The following TIMD4 variants were observed in gnomAD, a reference collection of about 807,000 sequenced individuals.
TIMD4 encodes the protein T cell immunoglobulin and mucin domain containing 4.
TIMD4 carries 31 observed loss-of-function variants against 41.2 expected under a neutral mutation model. The observed-to-expected ratio is 0.75, with a 90% CI of 0.57 to 1.01. The LOEUF is 1.01. Ranked by LOEUF, TIMD4 falls within the 50% of genes least tolerant of loss-of-function variation. The probability of loss-of-function intolerance (pLI) is 0.00; values close to 1 mark genes in which losing one functional copy is unlikely to be tolerated. For missense variants in TIMD4, 479 were observed against 472.5 expected, an observed-to-expected ratio of 1.01 and a Z score of -0.13; for synonymous variants, 204 against 177.1, an observed-to-expected ratio of 1.15 and a Z score of -1.21.
At chr5:156,936,225 C>A (rs368178081) in intron 5 of TIMD4, among the ~76,000 whole-genome samples, 1 of 152,138 alleles carries the variant, frequency 6.6e-6, no homozygotes, top group Non-Finnish European at 1.5e-5. Context: ...AGCTGCAGAA[C>A]GAGACCCCAT....
At chr5:156,940,582 G>A (rs1759627195) in intron 5 of TIMD4, among the ~76,000 whole-genome samples, 1 of 151,966 alleles carries the variant, frequency 6.6e-6, no homozygotes. Context: ...CGTCTGGGAT[G>A]TGAGGAGCGC....
intron 7 of TIMD4, 114 bp from the exon 8 acceptor site, chr5:156,920,617 AACCAGTGG>A (rs1180222910): frequency 1.8e-6 from 2 of 1,082,162 alleles, no homozygotes; most frequent in African/African-American, 3.1e-5. Context: ...CAAAGGTGAG[AACCAGTGG>A]CTGGCTTTGG....
intron 6 of TIMD4, chr5:156,924,079 C>T (rs541093469): frequency 9.6e-6 from 2 of 207,398 alleles, no homozygotes; most frequent in Non-Finnish European, 1.9e-5. Context: ...GAGTTTCAAA[C>T]GTTTAAAAAG....
Position 156,930,913 on chromosome 5 carries a change from A to G in TIMD4, c.845-4601T>C, listed in dbSNP as rs904444288. 9.8e-5 allele frequency among the ~76,000 whole-genome samples: 15 copies of G among 152,308 alleles called. 1 individual carries two copies. The South Asian group carries it at 3.1e-3, about 32-fold the overall frequency. On this transcript the variant is annotated intron_variant, in intron 5 of 8. Coordinates refer to ENST00000274532, the MANE Select transcript of TIMD4 (RefSeq NM_138379.3). The stretch of plus-strand genomic sequence containing the variant: ...TATGTTCTCTTCCATGGCAAAAGAT[A>G]TTTTGCAATGTCATTAAGCTAAGGA...
intron 6 of TIMD4, among the ~76,000 whole-genome samples, chr5:156,922,485 C>G (rs1262043411): frequency 1.3e-5 from 2 of 152,220 alleles, no homozygotes; most frequent in Non-Finnish European, 2.9e-5. Context: ...GGTCAAATCT[C>G]TTTCCTAGCC....
intron 5 of TIMD4, among the ~76,000 whole-genome samples, chr5:156,927,095 A>G (rs985348483): frequency 6.6e-6 from 1 of 152,234 alleles, no homozygotes; most frequent in Admixed American, 6.5e-5. Context: ...GTAGTGATGG[A>G]GCACACAGGC....
At position 156,930,867 on chromosome 5, in the gene TIMD4, C is replaced by CTAAT. The variant is rs541302520; in HGVS notation, c.845-4559_845-4556dup. ...AATGACACCCAAATATGTCCATGTCCTAATCTTCAGAAACTGTGAATATGT... is the reference window on the plus strand; with the variant it reads ...AATGACACCCAAATATGTCCATGTCCTAATTAATCTTCAGAAACTGTGAATATGT... On this transcript the variant is annotated intron_variant, in intron 5 of 8. Transcript: ENST00000274532. Among the ~76,000 whole-genome samples the CTAAT allele has an allele frequency of 1.7e-3, 254 of 152,296 alleles. 1 individual carries two copies. Among genetic ancestry groups the CTAAT allele is most frequent in the Middle Eastern group, 6.8e-3 (2 of 294 alleles).
intron 7 of TIMD4, among the ~76,000 whole-genome samples, chr5:156,921,039 C>T (rs1173251034): frequency 1.3e-5 from 2 of 148,478 alleles, no homozygotes; most frequent in South Asian, 2.1e-4. Context: ...CATTTTACAA[C>T]AGTACCAGGT....
In TIMD4 at chr5:156,951,751, C is replaced by T. The variant is rs753614328; in HGVS notation, c.440G>A (p.Arg147His). The T allele has an allele frequency of 1.7e-5, 28 of 1,613,826 alleles. No homozygotes were observed. The highest frequency in any genetic ancestry group is 1.6e-4 in the East Asian group (7 of 44,876). Residue 147 changes from arginine (R) to histidine (H), a missense_variant, in exon 3 of 9, where the codon CGC (arginine) becomes CAC (histidine). Arg to His is a conservative substitution (Grantham distance 29). Coordinates refer to ENST00000274532, the MANE Select transcript of TIMD4 (RefSeq NM_138379.3). ...TTHRTATTTT[R>H]RTTTTSPTTT... ...GGTGGGGCTTGTTGTTGTTGTTCTG[C>T]GTGTGGTGGTGGTTGCTGTTCTGTG...
chr5:156,959,491 T>C (rs1447738695), intron 1 of TIMD4, among the ~76,000 whole-genome samples: 1 of 152,168 alleles, frequency 6.6e-6, no homozygotes, highest in Non-Finnish European at 1.5e-5. Flanking sequence ...TGTAAAAGTA[T>C]CCCTGAGTAA....
chr5:156,925,558 G>A (rs1259421066), intron 6 of TIMD4, among the ~76,000 whole-genome samples: 1 of 152,174 alleles, frequency 6.6e-6, no homozygotes, highest in Non-Finnish European at 1.5e-5. Flanking sequence ...ACTGCCTGAA[G>A]CTTTCACTTA....
intron 8 of TIMD4, 108 bp from the exon 9 acceptor site, chr5:156,919,649 C>T: frequency 1.2e-6 from 1 of 825,488 alleles, no homozygotes; most frequent in Non-Finnish European, 1.9e-6. Context: ...TCAAAGGGCT[C>T]ACAGTTCATT....
chr5:156,957,093 G>A (rs529163291), intron 1 of TIMD4, among the ~76,000 whole-genome samples: 11 of 151,580 alleles, frequency 7.3e-5, no homozygotes, highest in African/African-American at 7.3e-5. Flanking sequence ...ACAGTGGCGC[G>A]ATCTCAGCTC....
Position 156,926,306 on chromosome 5 carries a change from T to C in TIMD4, c.851A>G (p.Asp284Gly), listed in dbSNP as rs1379033621. ...TTTGTTCTGCTCAGGAACTGCTGTA[T>C]CAGATGCTGGGAAGGAAAAGAGAAG... ...SVSSPQPGASDTAVPEQNKTT... is the reference protein window; with the variant it reads ...SVSSPQPGASGTAVPEQNKTT... The change falls in exon 6 of 9, where the codon GAT (aspartate) becomes GGT (glycine). Residue 284 changes from aspartate to glycine, a missense_variant. Coordinates refer to ENST00000274532, the MANE Select transcript of TIMD4 (RefSeq NM_138379.3). 1.2e-6 allele frequency: 2 copies of C among 1,613,666 alleles called. No homozygotes were observed. Among genetic ancestry groups the C allele is most frequent in the Admixed American group, 3.3e-5 (2 of 59,990 alleles).
chr5:156,959,192 T>C (rs780046181), intron 1 of TIMD4, among the ~76,000 whole-genome samples: 13 of 152,150 alleles, frequency 8.5e-5, no homozygotes, highest in Non-Finnish European at 1.3e-4. Flanking sequence ...TAAAAATTAA[T>C]ATAAGAAAAG....
intron 5 of TIMD4, among the ~76,000 whole-genome samples, chr5:156,934,773 C>T (rs140776513): frequency 2.6e-5 from 4 of 152,194 alleles, no homozygotes; most frequent in African/African-American, 7.2e-5. Flanking sequence ...TATAATCCTA[C>T]TTGAAAACAC....
chr5:156,938,912 G>A (rs73293068), intron 5 of TIMD4, among the ~76,000 whole-genome samples: 4,988 of 152,076 alleles, frequency 0.033, 264 homozygotes, highest in African/African-American at 0.12. Context: ...CAGCTTCCTC[G>A]GCCCTTGTGT....
intron 3 of TIMD4, among the ~76,000 whole-genome samples, chr5:156,951,284 C>T (rs1287683004): frequency 6.6e-6 from 1 of 152,156 alleles, no homozygotes; most frequent in East Asian, 1.9e-4. Context: ...AAGAAACCAA[C>T]CCTGCTGACA....
rs1243519463 is a variant in TIMD4 at position 156,951,549 on chromosome 5, A to G, written c.642T>C (p.Thr214=). 6.2e-7 allele frequency: 1 copy of G among 1,614,032 alleles called. No individual in the cohort carries two copies. The highest frequency in any genetic ancestry group is 1.7e-5 in the Admixed American group (1 of 60,008). Residue 214 remains threonine (T), a synonymous_variant, in exon 3 of 9, where the codon ACT becomes ACC. Coordinates refer to ENST00000274532, the MANE Select transcript of TIMD4 (RefSeq NM_138379.3). The part of the protein sequence containing the change: ...TLPEEATGLL[T]PEPSKEGPIL... ...TGGGCCCTTCCTTAGAAGGCTCGGG[A>G]GTCAGAAGACCTGTGGCTTCCTCCG...
Sources: gnomAD v4.1 joint callset for allele counts (sites outside exome capture counted in the v4.1 genomes callset) on GRCh38, gnomAD v4.1.1 for gene constraint, MANE v1.5 for transcripts, NCBI Gene and HGNC (gene_info 2026-07-23, HGNC 2026-07-21) for gene names.